Variants in ZBTB20 observed in about 807,000 individuals in gnomAD.
ZBTB20 encodes the protein zinc finger and BTB domain containing 20, also known as zinc finger and BTB domain-containing protein 20.
ZBTB20 carries 9 observed loss-of-function variants against 56.9 expected under a neutral mutation model. That is an observed-to-expected ratio of 0.16 (90% CI 0.10 to 0.28). The LOEUF is 0.28. ZBTB20 is among the 10% of genes least tolerant of loss of function. The pLI is 1.00. For missense variants in ZBTB20, 655 were observed against 1,003.0 expected, an observed-to-expected ratio of 0.65 and a Z score of 4.69; for synonymous variants, 417 against 420.7, an observed-to-expected ratio of 0.99 and a Z score of 0.11.
intron 6 of ZBTB20, among the ~76,000 whole-genome samples, chr3:114,646,280 A>C (rs1359490464): frequency 6.6e-6 from 1 of 151,836 alleles, no homozygotes; most frequent in Non-Finnish European, 1.5e-5. Context: ...AGTTTGAAAA[A>C]CTTTTATGTA....
At chr3:114,923,661 A>G (rs1001323541) in intron 3 of ZBTB20, among the ~76,000 whole-genome samples, 1 of 152,166 alleles carries the variant, frequency 6.6e-6, no homozygotes, top group Non-Finnish European at 1.5e-5. Context: ...CTTGGCAAAG[A>G]GTTTTTGGAT....
chr3:114,605,351 G>C (rs562509801), intron 6 of ZBTB20, among the ~76,000 whole-genome samples: 1 of 152,072 alleles, frequency 6.6e-6, no homozygotes, highest in Non-Finnish European at 1.5e-5. Flanking sequence ...TATTTCCGTT[G>C]TCCCATGACT....
At chr3:114,437,727 C>T (rs1424765917) in intron 7 of ZBTB20, among the ~76,000 whole-genome samples, 2 of 152,118 alleles carry the variant, frequency 1.3e-5, no homozygotes, top group African/African-American at 4.8e-5. Context: ...GTATATATTT[C>T]TTTTTCTTCT....
At chr3:114,606,339 C>T (rs887985812) in intron 6 of ZBTB20, among the ~76,000 whole-genome samples, 1 of 152,116 alleles carries the variant, frequency 6.6e-6, no homozygotes, top group African/African-American at 2.4e-5. Flanking sequence ...TTGTTAAAAG[C>T]AGCACCTCTC....
intron 6 of ZBTB20, among the ~76,000 whole-genome samples, chr3:114,652,442 A>G (rs989372966): frequency 6.6e-6 from 1 of 152,046 alleles, no homozygotes; most frequent in Non-Finnish European, 1.5e-5. Flanking sequence ...AGGCAATTAC[A>G]AATAAAGTCA....
chr3:114,314,508 T>G lies in ZBTB20; in HGVS notation c.*24497A>C, dbSNP rs2078604497. 6.6e-6 allele frequency: 1 copy of G among 151,820 alleles called. No individual in the cohort carries two copies. The highest frequency in any genetic ancestry group is 2.4e-5 in the African/African-American group (1 of 41,338). 9.4% of individuals were successfully genotyped at this position (151,820 alleles called of 1,614,324 possible). ...ACAATAGGAAACCAAGAGAAGAGTT[T>G]TTTTTTTTTTAATTATTCCTTCATA... is the stretch of plus-strand genomic sequence containing the variant. On this transcript the variant is annotated 3_prime_UTR_variant, in exon 12 of 12. Coordinates refer to ENST00000675478, the MANE Select transcript of ZBTB20 (RefSeq NM_001348800.3).
chr3:114,671,579 C>A (rs921758777), intron 6 of ZBTB20, among the ~76,000 whole-genome samples: 1 of 151,470 alleles, frequency 6.6e-6, no homozygotes. Context: ...CCCTTCCCTG[C>A]CAATAAATAA....
At chr3:115,103,845 A>C (rs1354572832) in intron 1 of ZBTB20, among the ~76,000 whole-genome samples, 2 of 152,242 alleles carry the variant, frequency 1.3e-5, no homozygotes, top group Non-Finnish European at 1.5e-5. Context: ...ATAATTGATA[A>C]GCTGGATTTA....
intron 7 of ZBTB20, among the ~76,000 whole-genome samples, chr3:114,436,186 C>T (rs1248855982): frequency 6.6e-6 from 1 of 152,208 alleles, no homozygotes; most frequent in African/African-American, 2.4e-5. Flanking sequence ...TCTAATGCTC[C>T]ATAGCCTCCC....
At chr3:114,992,520 A>G (rs1477559046) in intron 2 of ZBTB20, among the ~76,000 whole-genome samples, 1 of 151,990 alleles carries the variant, frequency 6.6e-6, no homozygotes, top group Admixed American at 6.6e-5. Flanking sequence ...TCAGACAAAA[A>G]GAAAGAACTC....
intron 6 of ZBTB20, among the ~76,000 whole-genome samples, chr3:114,677,463 C>T (rs2061694530): frequency 1.3e-5 from 2 of 152,044 alleles, no homozygotes; most frequent in Admixed American, 1.3e-4. Context: ...GAGCACAAAC[C>T]CTACTGTGAA....
intron 6 of ZBTB20, among the ~76,000 whole-genome samples, chr3:114,509,800 A>G (rs566079105): frequency 2.6e-5 from 4 of 152,234 alleles, no homozygotes; most frequent in African/African-American, 7.2e-5. Context: ...TTGTCAGCAT[A>G]TGCTCCAGGA....
intron 6 of ZBTB20, chr3:114,527,174 T>A (rs937604707): frequency 9.2e-5 from 14 of 151,952 alleles, no homozygotes; most frequent in Non-Finnish European, 5.9e-5. Context: ...AATAAAAATT[T>A]AAAAAATAAA....
chr3:114,463,926 T>G (rs924449029), intron 7 of ZBTB20, among the ~76,000 whole-genome samples: 1 of 152,242 alleles, frequency 6.6e-6, no homozygotes, highest in Non-Finnish European at 1.5e-5. Flanking sequence ...AACTACATGG[T>G]ATAATTTCAA....
chr3:114,443,339 C>T (rs918991325), intron 7 of ZBTB20, among the ~76,000 whole-genome samples: 1 of 152,108 alleles, frequency 6.6e-6, no homozygotes. Flanking sequence ...ATCACATGAA[C>T]CAGAAATATA....
chr3:114,764,251 C>CT lies in ZBTB20; in HGVS notation c.-343+36849dup, dbSNP rs56175916. Among the ~76,000 whole-genome samples the CT allele has an allele frequency of 4.7e-3, 566 of 120,568 alleles. 6 individuals carry two copies. Among genetic ancestry groups the CT allele is most frequent in the African/African-American group, 0.016 (529 of 34,076 alleles). The allele number at this position is 120,568 out of a possible 152,430, so 79.1% of individuals were successfully genotyped here. On this transcript the variant is annotated intron_variant, in intron 5 of 11. Transcript: ENST00000675478. ...CCCCCTTCTACCTCTCTCTCTCTCTCTTTTTTTTTTTTTTTGTCCTGTACT... is the reference window on the plus strand; with the variant it reads ...CCCCCTTCTACCTCTCTCTCTCTCTCTTTTTTTTTTTTTTTTGTCCTGTACT...
chr3:114,868,241 G>A (rs1322830707), intron 4 of ZBTB20, among the ~76,000 whole-genome samples: 3 of 152,164 alleles, frequency 2.0e-5, no homozygotes, highest in South Asian at 2.1e-4. Context: ...AATCCCCAAA[G>A]TAACCACAGC....
At chr3:114,509,773 C>T (rs1428740622) in intron 6 of ZBTB20, among the ~76,000 whole-genome samples, 1 of 152,118 alleles carries the variant, frequency 6.6e-6, no homozygotes, top group Non-Finnish European at 1.5e-5. Flanking sequence ...GGATAATCTC[C>T]ATTGGTTCCT....
chr3:115,110,451 G>T (rs1263710865), intron 1 of ZBTB20, among the ~76,000 whole-genome samples: 1 of 151,978 alleles, frequency 6.6e-6, no homozygotes, highest in African/African-American at 2.4e-5. Flanking sequence ...CAGATCAAAA[G>T]TTTTTATAAC....
Sources: gnomAD v4.1 joint callset for allele counts (sites outside exome capture counted in the v4.1 genomes callset) on GRCh38, gnomAD v4.1.1 for gene constraint, MANE v1.5 for transcripts, NCBI Gene and HGNC (gene_info 2026-07-23, HGNC 2026-07-21) for gene names.